The following ELF2 variants were observed in gnomAD, a reference collection of about 807,000 sequenced individuals.
The protein encoded by ELF2 is E74 like ETS transcription factor 2.
Under a neutral mutation model 54.8 loss-of-function variants are expected in ELF2, and 11 were observed. That is an observed-to-expected ratio of 0.20 (90% CI 0.13 to 0.33). The LOEUF (loss-of-function observed/expected upper bound fraction) is 0.33. Ranked by LOEUF, ELF2 falls within the 10% of genes least tolerant of loss-of-function variation. ELF2 has a pLI of 1.00. For missense variants in ELF2, 513 were observed against 703.0 expected, an observed-to-expected ratio of 0.73 and a Z score of 3.06; for synonymous variants, 203 against 245.1, an observed-to-expected ratio of 0.83 and a Z score of 1.61.
chr4:139,171,166 T>C (rs1045806927), intron 1 of ELF2, among the ~76,000 whole-genome samples: 12 of 152,202 alleles, frequency 7.9e-5, no homozygotes, highest in Middle Eastern at 3.4e-3. Flanking sequence ...CGCAGGAGGA[T>C]TGCTTGAGCC....
At chr4:139,143,090 C>A (rs952871602) in intron 1 of ELF2, among the ~76,000 whole-genome samples, 1 of 152,092 alleles carries the variant, frequency 6.6e-6, no homozygotes, top group African/African-American at 2.4e-5. Flanking sequence ...TATTTTGGAA[C>A]CCTGGCTAAA....
rs928780727 is a variant in ELF2 at position 139,137,855 on chromosome 4, T to G, written c.-154A>C. 2.8e-5 allele frequency: 37 copies of G among 1,322,742 alleles called. No individual in the cohort carries two copies. In the Admixed American group the frequency reaches 9.7e-4, roughly 35 times the overall value. The allele number at this position is 1,322,742 out of a possible 1,614,324, so 81.9% of individuals were successfully genotyped here. ...CAGAAATCCAGTCTTCTAAAGATGA[T>G]TAACCAGAAAGCCTAAAAAGAGGAA... On this transcript the variant is annotated 5_prime_UTR_variant, in exon 3 of 10. Coordinates refer to ENST00000686138, the MANE Select transcript of ELF2 (RefSeq NM_001331036.3).
intron 4 of ELF2, among the ~76,000 whole-genome samples, chr4:139,090,142 T>C (rs1034836129): frequency 6.6e-6 from 1 of 152,186 alleles, no homozygotes; most frequent in Non-Finnish European, 1.5e-5. Context: ...TTGCCCAAGG[T>C]AGTCTTGAAC....
At chr4:139,170,670 A>T (rs1370197495) in intron 1 of ELF2, among the ~76,000 whole-genome samples, 2 of 149,648 alleles carry the variant, frequency 1.3e-5, no homozygotes, top group African/African-American at 4.9e-5. Flanking sequence ...AAAAAAAAAA[A>T]CTTCTTATAA....
intron 4 of ELF2, among the ~76,000 whole-genome samples, chr4:139,105,088 A>G (rs1734286017): frequency 6.6e-6 from 1 of 152,210 alleles, no homozygotes; most frequent in Admixed American, 6.5e-5. Context: ...CCAATTAACT[A>G]TCTCAATTGT....
intron 6 of ELF2, among the ~76,000 whole-genome samples, chr4:139,069,695 G>C (rs1373274024): frequency 3.9e-5 from 6 of 151,980 alleles, no homozygotes; most frequent in Non-Finnish European, 8.8e-5. Flanking sequence ...TATATTAAAG[G>C]CTCTCAAAAT....
At position 139,083,587 on chromosome 4, in the gene ELF2, C is replaced by G. The variant is rs186234150; in HGVS notation, c.239-10020G>C. ...TGGCGGGTATCGGTCCACCGGACAT[C>G]GCCCCTGGCTGCCTGGTCCATGCGG... is the stretch of plus-strand genomic sequence containing the variant. On this transcript the variant is annotated intron_variant, in intron 4 of 9. Transcript: ENST00000686138. Among the ~76,000 whole-genome samples, 6 of 152,254 alleles carry G rather than the reference C, an allele frequency of 3.9e-5. No homozygotes were observed. The East Asian group carries it at 1.2e-3, about 29-fold the overall frequency.
At chr4:139,157,865 C>T (rs559713914) in intron 1 of ELF2, among the ~76,000 whole-genome samples, 1 of 152,312 alleles carries the variant, frequency 6.6e-6, no homozygotes, top group African/African-American at 2.4e-5. Flanking sequence ...AAAGTATCAT[C>T]TAAATATACT....
intron 6 of ELF2, among the ~76,000 whole-genome samples, chr4:139,069,364 A>T (rs1190928669): frequency 6.6e-6 from 1 of 152,208 alleles, no homozygotes; most frequent in Non-Finnish European, 1.5e-5. Flanking sequence ...GTCTGTTTTA[A>T]CAAAAAGTAA....
intron 4 of ELF2, among the ~76,000 whole-genome samples, chr4:139,112,202 A>T (rs76629249): frequency 6.6e-6 from 1 of 152,226 alleles, no homozygotes; most frequent in African/African-American, 2.4e-5. Context: ...AGCAACTCAG[A>T]TAGCCTTGTT....
At chr4:139,161,804 C>T (rs1452604135) in intron 1 of ELF2, among the ~76,000 whole-genome samples, 1 of 151,904 alleles carries the variant, frequency 6.6e-6, no homozygotes, top group Non-Finnish European at 1.5e-5. Flanking sequence ...AACCCCGTCT[C>T]TACTAAAAAT....
rs573761665 is a variant in ELF2, at chr4:139,114,922, G to A, written c.238+10242C>T. The A allele has an allele frequency of 1.1e-4, 175 of 1,612,734 alleles. 1 individual carries two copies. In the African/African-American group the frequency reaches 1.7e-3, roughly 16 times the overall value. On this transcript the variant is annotated intron_variant, in intron 4 of 9. Coordinates refer to ENST00000686138, the MANE Select transcript of ELF2 (RefSeq NM_001331036.3). ...GTGGGAACCACCGTTCTCCTGGGTC[G>A]GGGACCCTCACTTCTTCTGGGGTGT...
intron 5 of ELF2, among the ~76,000 whole-genome samples, chr4:139,072,384 G>C (rs1190813216): frequency 6.6e-6 from 1 of 152,124 alleles, no homozygotes; most frequent in Non-Finnish European, 1.5e-5. Flanking sequence ...TAGTATAATA[G>C]TGAGTTAGTT....
At chr4:139,109,007 G>A (rs1734700893) in intron 4 of ELF2, among the ~76,000 whole-genome samples, 1 of 152,070 alleles carries the variant, frequency 6.6e-6, no homozygotes, top group Non-Finnish European at 1.5e-5. Context: ...AAAACATCAT[G>A]GAAAGTATCT....
intron 1 of ELF2, among the ~76,000 whole-genome samples, chr4:139,149,489 T>C (rs998696934): frequency 1.6e-4 from 24 of 151,994 alleles, no homozygotes; most frequent in African/African-American, 4.8e-4. Flanking sequence ...TGGCATGAGC[T>C]TGTGGTCCCA....
intron 4 of ELF2, among the ~76,000 whole-genome samples, chr4:139,096,112 C>T (rs1002167097): frequency 6.6e-6 from 1 of 151,882 alleles, no homozygotes; most frequent in Admixed American, 6.6e-5. Context: ...CTCTGTCATA[C>T]ATACAAAAAA....
At chr4:139,113,084 A>C (rs924740843) in intron 4 of ELF2, among the ~76,000 whole-genome samples, 2 of 152,176 alleles carry the variant, frequency 1.3e-5, no homozygotes, top group African/African-American at 4.8e-5. Context: ...TCATCTAGGC[A>C]AGGTAGCTCA....
upstream of ELF2, chr4:139,177,300 C>G (rs868042498): frequency 6.6e-6 from 1 of 150,794 alleles, no homozygotes; most frequent in Non-Finnish European, 1.5e-5. Context: ...CCTGCCGCCT[C>G]CACCAGGACA....
rs201378412 is a variant in ELF2, at chr4:139,145,790, CAT to C, written c.-251-6295_-251-6294del. ...CATAAACAATTAAAAACAAAAACCA[CAT>C]GATTGTTTCAATAGATGCAGAAAAA... On this transcript the variant is annotated intron_variant, in intron 1 of 9. Transcript: ENST00000686138. Among the ~76,000 whole-genome samples, 1,411 of 152,206 alleles carry C rather than the reference CAT, an allele frequency of 9.3e-3. 20 individuals carry two copies. The highest frequency in any genetic ancestry group is 0.011 in the Non-Finnish European group (762 of 68,004).
Sources: gnomAD v4.1 joint callset for allele counts (sites outside exome capture counted in the v4.1 genomes callset) on GRCh38, gnomAD v4.1.1 for gene constraint, MANE v1.5 for transcripts, NCBI Gene and HGNC (gene_info 2026-07-23, HGNC 2026-07-21) for gene names.